Variants in CTNND2 observed in about 807,000 individuals in gnomAD.
CTNND2 encodes catenin delta 2.
In CTNND2, 22 loss-of-function variants were observed where a neutral mutation model predicts 144.4. The ratio of observed to expected loss-of-function variants is 0.15; its 90% CI spans 0.11 to 0.22. The LOEUF is 0.22. Among genes scored for constraint, CTNND2 ranks in the 10% least tolerant of loss-of-function variants. CTNND2 has a pLI of 1.00. For missense variants in CTNND2, 1,353 were observed against 1,618.8 expected (o/e 0.84, Z 2.82); for synonymous variants, 751 against 695.6 (o/e 1.08, Z -1.25).
intron 7 of CTNND2, among the ~76,000 whole-genome samples, chr5:11,368,302 C>T (rs1294517876): frequency 6.6e-6 from 1 of 152,184 alleles, no homozygotes; most frequent in Non-Finnish European, 1.5e-5. Flanking sequence ...GTCATGGAAC[C>T]TCAGAGCCAT....
rs974784914 is a variant in CTNND2 at position 11,117,440 on chromosome 5, C to T, written c.2277+10G>A. The T allele has an allele frequency of 6.2e-7, 1 of 1,607,834 alleles. No homozygotes were observed. Among genetic ancestry groups the T allele is most frequent in the East Asian group, 2.2e-5 (1 of 44,824 alleles). On this transcript the variant is annotated intron_variant, in intron 13 of 21. Transcript: ENST00000304623. ...CTCAAACATGTTTAATCTATGCCAG[C>T]ACAACCAACCTTGCTATCGATCTCA...
At chr5:11,037,412 C>T (rs546526445) in intron 16 of CTNND2, among the ~76,000 whole-genome samples, 21 of 152,248 alleles carry the variant, frequency 1.4e-4, no homozygotes, top group African/African-American at 4.3e-4. Context: ...CAAGTTCTTT[C>T]GACACTTCAT....
intron 11 of CTNND2, among the ~76,000 whole-genome samples, chr5:11,168,065 A>T (rs1377192589): frequency 6.6e-6 from 1 of 152,122 alleles, no homozygotes; most frequent in African/African-American, 2.4e-5. Context: ...CAGAGCCTGA[A>T]TTAATTTTAT....
chr5:11,729,181 A>G (rs530638311), intron 2 of CTNND2, among the ~76,000 whole-genome samples: 2 of 140,002 alleles, frequency 1.4e-5, no homozygotes, highest in South Asian at 4.6e-4. Flanking sequence ...CAAATTACTT[A>G]TGTGCCACCA....
chr5:10,998,179 G>A (rs923187127), intron 18 of CTNND2, among the ~76,000 whole-genome samples: 9 of 152,170 alleles, frequency 5.9e-5, no homozygotes, highest in African/African-American at 2.2e-4. Context: ...GCAGAAGTGT[G>A]GTCCTGCAGG....
At chr5:11,546,626 C>G (rs895918613) in intron 3 of CTNND2, among the ~76,000 whole-genome samples, 3 of 151,934 alleles carry the variant, frequency 2.0e-5, no homozygotes, top group Admixed American at 1.3e-4. Flanking sequence ...AGAACATTTC[C>G]AAGAGTAACA....
chr5:11,432,801 A>G (rs566568778), intron 3 of CTNND2, among the ~76,000 whole-genome samples: 3 of 152,332 alleles, frequency 2.0e-5, no homozygotes, highest in Admixed American at 6.5e-5. Flanking sequence ...AAGTATCTGA[A>G]TATCTTACGT....
chr5:11,526,688 A>G (rs1419479302), intron 3 of CTNND2, among the ~76,000 whole-genome samples: 1 of 152,218 alleles, frequency 6.6e-6, no homozygotes, highest in African/African-American at 2.4e-5. Context: ...CACTTTATAC[A>G]TAAGAAAACT....
intron 10 of CTNND2, among the ~76,000 whole-genome samples, chr5:11,224,983 G>A (rs1046038480): frequency 7.2e-5 from 11 of 151,954 alleles, no homozygotes; most frequent in African/African-American, 2.7e-4. Flanking sequence ...TCTTCCTGCT[G>A]TGAAGTGTGA....
chr5:11,767,826 G>A (rs1232609307), intron 1 of CTNND2, among the ~76,000 whole-genome samples: 1 of 152,168 alleles, frequency 6.6e-6, no homozygotes, highest in Non-Finnish European at 1.5e-5. Flanking sequence ...CTTCATCGCT[G>A]TTCCCCCTGG....
At chr5:11,417,898 G>A (rs1358662581) in intron 3 of CTNND2, among the ~76,000 whole-genome samples, 1 of 152,106 alleles carries the variant, frequency 6.6e-6, no homozygotes, top group Non-Finnish European at 1.5e-5. Flanking sequence ...CAGCCTATGT[G>A]TTCCAGTAAT....
intron 3 of CTNND2, among the ~76,000 whole-genome samples, chr5:11,497,855 G>A (rs1434323121): frequency 6.6e-6 from 1 of 152,154 alleles, no homozygotes; most frequent in Non-Finnish European, 1.5e-5. Flanking sequence ...AATAGGCTTT[G>A]TGTCCCACTG....
intron 6 of CTNND2, among the ~76,000 whole-genome samples, chr5:11,389,205 C>T (rs1759388346): frequency 6.6e-6 from 1 of 152,156 alleles, no homozygotes; most frequent in African/African-American, 2.4e-5. Context: ...GTCTTTCCCA[C>T]TCCTTCAAAA....
At chr5:10,993,139 C>G (rs1034526520) in intron 18 of CTNND2, among the ~76,000 whole-genome samples, 4 of 152,148 alleles carry the variant, frequency 2.6e-5, no homozygotes, top group Admixed American at 6.5e-5. Context: ...CCTCCCTTCC[C>G]GTTTACCTGC....
Position 11,672,420 on chromosome 5 carries a change from G to A in CTNND2, c.174+59716C>T, listed in dbSNP as rs538094901. 5.1e-4 allele frequency among the ~76,000 whole-genome samples: 77 copies of A among 152,284 alleles called. No individual in the cohort carries two copies. The South Asian group carries it at 0.014, about 28-fold the overall frequency. On this transcript the variant is annotated intron_variant, in intron 2 of 21. Coordinates refer to ENST00000304623, the MANE Select transcript of CTNND2 (RefSeq NM_001332.4). ...CCCAGGTGATCCGTCCCAGGGAGAT[G>A]GGGGTTTTATCTATAAGTCCCTGAC...
At chr5:11,782,377 T>C (rs965784182) in intron 1 of CTNND2, among the ~76,000 whole-genome samples, 1 of 146,930 alleles carries the variant, frequency 6.8e-6, no homozygotes, top group Non-Finnish European at 1.5e-5. Flanking sequence ...GTAAACTTAC[T>C]ACGTTTGAAA....
intron 3 of CTNND2, among the ~76,000 whole-genome samples, chr5:11,563,704 C>G (rs1369826344): frequency 6.6e-6 from 1 of 151,778 alleles, no homozygotes; most frequent in Non-Finnish European, 1.5e-5. Flanking sequence ...ACGTGGTTAA[C>G]CCCGCTTAAC....
intron 1 of CTNND2, among the ~76,000 whole-genome samples, chr5:11,780,534 T>C (rs906244818): frequency 1.3e-5 from 2 of 152,090 alleles, no homozygotes; most frequent in African/African-American, 4.8e-5. Flanking sequence ...GGGGGACATG[T>C]TGAAATAGCA....
intron 9 of CTNND2, among the ~76,000 whole-genome samples, chr5:11,256,292 G>A (rs1367095787): frequency 6.6e-6 from 1 of 151,984 alleles, no homozygotes; most frequent in Non-Finnish European, 1.5e-5. Flanking sequence ...CCCATTTGTG[G>A]GTCACACCAC....
Sources: gnomAD v4.1 joint callset for allele counts (sites outside exome capture counted in the v4.1 genomes callset) on GRCh38, gnomAD v4.1.1 for gene constraint, MANE v1.5 for transcripts, NCBI Gene and HGNC (gene_info 2026-07-23, HGNC 2026-07-21) for gene names.